SLCO2A1: variants seen among roughly 807,000 people sequenced by gnomAD.
SLCO2A1 encodes matrin F/G 1.
SLCO2A1 carries 60 observed loss-of-function variants against 71.7 expected under a neutral mutation model. That is an observed-to-expected ratio of 0.84 (90% CI 0.68 to 1.04). The LOEUF is 1.04. Among genes scored for constraint, SLCO2A1 ranks in the 50% least tolerant of loss-of-function variants. The pLI is 0.00. For missense variants in SLCO2A1, 745 were observed against 813.4 expected, an observed-to-expected ratio of 0.92 and a Z score of 1.02; for synonymous variants, 308 against 326.7, an observed-to-expected ratio of 0.94 and a Z score of 0.62.
At chr3:133,981,739 C>T (rs1934597413) in intron 1 of SLCO2A1, among the ~76,000 whole-genome samples, 2 of 152,076 alleles carry the variant, frequency 1.3e-5, no homozygotes, top group Non-Finnish European at 2.9e-5. Flanking sequence ...CACTTTGGGA[C>T]TTCGAAGCAG....
intron 1 of SLCO2A1, among the ~76,000 whole-genome samples, chr3:134,001,036 C>T (rs1427705153): frequency 2.6e-5 from 4 of 152,126 alleles, no homozygotes; most frequent in African/African-American, 4.8e-5. Flanking sequence ...TGTTCTAATA[C>T]ATCTGATCCC....
intron 6 of SLCO2A1, 127 bp downstream of exon 6, chr3:133,951,081 G>T: frequency 1.5e-6 from 2 of 1,309,312 alleles, no homozygotes; most frequent in South Asian, 1.2e-5. Context: ...CCTGCATCAT[G>T]AAATTTGTTT....
At chr3:134,005,117 G>T (rs1422005537) in intron 1 of SLCO2A1, among the ~76,000 whole-genome samples, 1 of 152,186 alleles carries the variant, frequency 6.6e-6, no homozygotes, top group African/African-American at 2.4e-5. Context: ...CAGTCCACCT[G>T]TCCAAATCCT....
At chr3:133,945,853 A>ATATTC (rs1933560201) in intron 9 of SLCO2A1, among the ~76,000 whole-genome samples, 1 of 152,210 alleles carries the variant, frequency 6.6e-6, no homozygotes, top group Middle Eastern at 3.2e-3. Context: ...ATATTTCACT[A>ATATTC]GTATAATTAT....
In SLCO2A1 at chr3:133,948,517, C is replaced by T. The variant is rs756093773; in HGVS notation, c.1105+19G>A. 7 of 1,607,650 alleles carry T rather than the reference C, an allele frequency of 4.4e-6. No homozygotes were observed. The African/African-American group carries it at 9.3e-5, about 21-fold the overall frequency. ...GCCCAGGCAAGCCCTGCGGATCCTG[C>T]AGCACCCTCTGGGCTCACCAATGAG... On this transcript the variant is annotated intron_variant, in intron 8 of 13. Transcript: ENST00000310926.
At chr3:134,021,806 CTA>C (rs1490501776) in intron 1 of SLCO2A1, among the ~76,000 whole-genome samples, 2 of 135,804 alleles carry the variant, frequency 1.5e-5, no homozygotes, top group Admixed American at 7.8e-5. Flanking sequence ...AATTTAAAAC[CTA>C]TAATTGATAA....
At position 133,934,844 on chromosome 3, in the gene SLCO2A1, G is replaced by A. The variant is rs201960310; in HGVS notation, c.1815-14C>T. On this transcript the variant is annotated splice_polypyrimidine_tract_variant and intron_variant, in intron 13 of 13. Transcript: ENST00000310926. ...AGGCCCAGGTACCTGTGGGCAGGAG[G>A]AGGCAGGACTGGTGAGGGAGGGGGC... 4.1e-5 allele frequency: 66 copies of A among 1,600,872 alleles called. No homozygotes were observed. In the African/African-American group the frequency reaches 7.9e-4, roughly 19 times the overall value.
intron 1 of SLCO2A1, among the ~76,000 whole-genome samples, chr3:134,011,060 G>A (rs562268988): frequency 6.6e-6 from 1 of 151,992 alleles, no homozygotes; most frequent in Admixed American, 6.5e-5. Flanking sequence ...TTTGTTTTTT[G>A]TTTTTGAGAT....
At chr3:133,970,698 C>T (rs1329518638) in intron 3 of SLCO2A1, among the ~76,000 whole-genome samples, 1 of 152,220 alleles carries the variant, frequency 6.6e-6, no homozygotes, top group African/African-American at 2.4e-5. Flanking sequence ...CTGAGCACTT[C>T]CAGCATCTGC....
intron 1 of SLCO2A1, among the ~76,000 whole-genome samples, chr3:133,981,099 C>A (rs1934577046): frequency 1.3e-5 from 2 of 152,222 alleles, no homozygotes; most frequent in Admixed American, 1.3e-4. Flanking sequence ...AGGGGTAACC[C>A]AAGTGCCCAA....
chr3:133,964,551 G>C (rs1420538790), intron 3 of SLCO2A1, among the ~76,000 whole-genome samples: 1 of 152,160 alleles, frequency 6.6e-6, no homozygotes, highest in Non-Finnish European at 1.5e-5. Context: ...AGCAATGGAT[G>C]GATTATAATA....
intron 1 of SLCO2A1, among the ~76,000 whole-genome samples, chr3:133,983,740 G>A (rs2108060670): frequency 6.6e-6 from 1 of 152,340 alleles, no homozygotes; most frequent in East Asian, 1.9e-4. Context: ...GCTGACTCCT[G>A]TACAGAAGCA....
chr3:133,952,735 C>A (rs1385656899), intron 5 of SLCO2A1, among the ~76,000 whole-genome samples: 1 of 152,218 alleles, frequency 6.6e-6, no homozygotes, highest in Non-Finnish European at 1.5e-5. Flanking sequence ...ATACATTAGG[C>A]TTGTTCTGAT....
intron 1 of SLCO2A1, among the ~76,000 whole-genome samples, chr3:134,003,033 C>G (rs1935134936): frequency 6.6e-6 from 1 of 152,218 alleles, no homozygotes; most frequent in South Asian, 2.1e-4. Context: ...CAGGAGCATT[C>G]CAGGACTGAT....
At chr3:134,027,596 C>G (rs944617603) in intron 1 of SLCO2A1, among the ~76,000 whole-genome samples, 9 of 152,198 alleles carry the variant, frequency 5.9e-5, no homozygotes, top group Non-Finnish European at 1.0e-4. Flanking sequence ...CCCCTTCCTT[C>G]TTTAACTCAG....
At chr3:134,003,235 T>A (rs1935138356) in intron 1 of SLCO2A1, among the ~76,000 whole-genome samples, 1 of 152,220 alleles carries the variant, frequency 6.6e-6, no homozygotes, top group Non-Finnish European at 1.5e-5. Flanking sequence ...AGCAAACACT[T>A]GACACCTACC....
chr3:133,990,442 T>C (rs1431321092), intron 1 of SLCO2A1, among the ~76,000 whole-genome samples: 1 of 152,216 alleles, frequency 6.6e-6, no homozygotes, highest in Non-Finnish European at 1.5e-5. Context: ...GTCCCGTTTT[T>C]CAATGGGAAA....
chr3:133,998,080 C>G (rs1935016402), intron 1 of SLCO2A1, among the ~76,000 whole-genome samples: 1 of 152,200 alleles, frequency 6.6e-6, no homozygotes, highest in Non-Finnish European at 1.5e-5. Context: ...TACAGGCAGG[C>G]TCCAGGAGGT....
intron 1 of SLCO2A1, among the ~76,000 whole-genome samples, chr3:133,981,005 T>C (rs1217080157): frequency 6.6e-6 from 1 of 152,232 alleles, no homozygotes; most frequent in Admixed American, 6.5e-5. Context: ...CTGGGCTTTC[T>C]TTTGTATTCT....
Sources: allele counts gnomAD v4.1 joint callset (sites outside exome capture counted in the v4.1 genomes callset), GRCh38; gene constraint gnomAD v4.1.1; transcripts MANE v1.5; gene names NCBI Gene and HGNC (gene_info 2026-07-23, HGNC 2026-07-21).